The following TMPRSS13 variants were observed in gnomAD, a reference collection of about 807,000 sequenced individuals.
The protein encoded by TMPRSS13 is transmembrane serine protease 13, also known as transmembrane protease serine 13.
TMPRSS13 carries 50 observed loss-of-function variants against 68.4 expected under a neutral mutation model. The ratio of observed to expected loss-of-function variants is 0.73; its 90% confidence interval spans 0.58 to 0.93. TMPRSS13 has a LOEUF of 0.93. TMPRSS13 is among the 40% of genes least tolerant of loss of function. The pLI, the probability that TMPRSS13 is intolerant of heterozygous loss-of-function variation, is 0.00. For synonymous variants in TMPRSS13, 267 were observed against 285.8 expected (o/e 0.93, Z 0.66); for missense variants, 615 against 729.2 (o/e 0.84, Z 1.80).
rs1487719996 is a variant in TMPRSS13, at chr11:117,911,777, C to T, written c.893G>A (p.Ser298Asn). ...GCCTGCCCCACCATACCTGTGGAGG[C>T]TTTCCTGGATGGTGGAGTTGTATCT... ...ILRYNSTIQE[S>N]LHRSECPSQR... Residue 298 changes from serine to asparagine, a missense_variant, in exon 6 of 13, where the codon AGC becomes AAC. Ser to Asn is a conservative substitution (Grantham distance 46, BLOSUM62 1). Transcript: ENST00000524993. 1 of 1,613,840 alleles carries T rather than the reference C, an allele frequency of 6.2e-7. No individual in the cohort carries two copies. Among genetic ancestry groups the T allele is most frequent in the Non-Finnish European group, 8.5e-7 (1 of 1,179,946 alleles).
Position 117,917,200 on chromosome 11 carries a change from T to C in TMPRSS13, c.526A>G (p.Ile176Val). The change falls in exon 3 of 13, where the codon ATT becomes GTT. Residue 176 changes from isoleucine (I) to valine (V), a missense_variant. Ile to Val is a conservative substitution (Grantham distance 29, BLOSUM62 3). Transcript: ENST00000524993. The stretch of plus-strand genomic sequence containing the variant: ...ATGATGAGCGAAACCACCAGGGCAA[T>C]GAGGAGGAGCACGCACCCGATGAGC... Reference protein sequence around the residue: ...LPLIGCVLLLIALVVSLIILF... With the variant: ...LPLIGCVLLLVALVVSLIILF... 1 of 1,612,742 alleles carries C rather than the reference T, an allele frequency of 6.2e-7. No individual in the cohort carries two copies. The highest frequency in any genetic ancestry group is 8.5e-7 in the Non-Finnish European group (1 of 1,179,970).
intron 12 of TMPRSS13, among the ~76,000 whole-genome samples, chr11:117,902,698 A>T (rs1486010769): frequency 6.6e-6 from 1 of 152,208 alleles, no homozygotes; most frequent in African/African-American, 2.4e-5. Context: ...CATCCCTGGG[A>T]GAGGAGAGTG....
At chr11:117,926,518 G>A (rs868783854) in intron 1 of TMPRSS13, among the ~76,000 whole-genome samples, 5 of 152,220 alleles carry the variant, frequency 3.3e-5, no homozygotes, top group Admixed American at 6.5e-5. Flanking sequence ...CTTGAAGAAG[G>A]CCCAGTATAA....
chr11:117,914,257 A>G lies in TMPRSS13; in HGVS notation c.679+135T>C. ...TGCACACACACATACATGCATACAC[A>G]CAAACATGCACATACACACACATGC... is the stretch of plus-strand genomic sequence containing the variant. On this transcript the variant is annotated intron_variant, in intron 4 of 12. Coordinates refer to ENST00000524993, the MANE Select transcript of TMPRSS13 (RefSeq NM_001077263.3). This position sits in a 1 kb window ranked among gnomAD's most constrained non-coding sequence, Gnocchi z 4.2. 8.1e-7 allele frequency: 1 copy of G among 1,234,548 alleles called. No homozygotes were observed. Among genetic ancestry groups the G allele is most frequent in the Non-Finnish European group, 1.2e-6 (1 of 866,940 alleles). The allele number at this position is 1,234,548 out of a possible 1,614,324, so 76.5% of individuals were successfully genotyped here. A position where few individuals can be genotyped will look rare whatever the true frequency, so the allele number is the denominator to read the frequency against.
intron 8 of TMPRSS13, among the ~76,000 whole-genome samples, chr11:117,909,150 G>A (rs1382822922): frequency 6.6e-6 from 1 of 152,190 alleles, no homozygotes; most frequent in African/African-American, 2.4e-5. Context: ...ATGCTGACAA[G>A]TCACAGGGCT....
Position 117,914,275 on chromosome 11 carries a change from A to T in TMPRSS13, c.679+117T>A. On this transcript the variant is annotated intron_variant, in intron 4 of 12. Transcript: ENST00000524993. This position sits in a 1 kb window ranked among gnomAD's most constrained non-coding sequence, Gnocchi z 4.2. ...CATACACACAAACATGCACATACAC[A>T]CACATGCACGCACACATATACACAC... is the stretch of plus-strand genomic sequence containing the variant. 7.3e-7 allele frequency: 1 copy of T among 1,375,694 alleles called. No individual in the cohort carries two copies. Among genetic ancestry groups the T allele is most frequent in the East Asian group, 2.3e-5 (1 of 43,572 alleles). 85.2% of individuals were successfully genotyped at this position (1,375,694 alleles called of 1,614,324 possible).
chr11:117,927,623 C>T (rs758403635), intron 1 of TMPRSS13, among the ~76,000 whole-genome samples: 1 of 152,162 alleles, frequency 6.6e-6, no homozygotes, highest in African/African-American at 2.4e-5. Flanking sequence ...CATCTCTCTG[C>T]AATAAAGCCC....
chr11:117,909,121 C>A (rs1440697680), intron 8 of TMPRSS13, among the ~76,000 whole-genome samples: 1 of 152,102 alleles, frequency 6.6e-6, no homozygotes, highest in African/African-American at 2.4e-5. Context: ...AACTCTGGGG[C>A]CTCGATATGA....
intron 1 of TMPRSS13, among the ~76,000 whole-genome samples, chr11:117,928,460 C>A (rs1401480472): frequency 6.6e-6 from 1 of 152,220 alleles, no homozygotes; most frequent in African/African-American, 2.4e-5. Context: ...AGTGCTAGCC[C>A]ATTCTTCCCA....
chr11:117,905,773 G>A (rs1431781153), intron 9 of TMPRSS13, 37 bp from the exon 10 acceptor site: 2 of 1,520,296 alleles, frequency 1.3e-6, no homozygotes, highest in South Asian at 2.4e-5. Flanking sequence ...GAAGGAACAA[G>A]GCTGAGACTT....
intron 10 of TMPRSS13, among the ~76,000 whole-genome samples, chr11:117,905,188 C>T (rs138450618): frequency 0.014 from 2,090 of 151,808 alleles, 23 homozygotes; most frequent in Non-Finnish European, 0.024. Flanking sequence ...AGCTACGGTG[C>T]CCGGCCTCTA....
At position 117,927,113 on chromosome 11, in the gene TMPRSS13, C is replaced by G. The variant is rs369368936; in HGVS notation, c.21+2174G>C. 2.0e-5 allele frequency among the ~76,000 whole-genome samples: 3 copies of G among 152,210 alleles called. No individual in the cohort carries two copies. The East Asian group carries it at 5.8e-4, about 29-fold the overall frequency. On this transcript the variant is annotated intron_variant, in intron 1 of 12. Transcript: ENST00000524993. ...TTAACAATCACCAATTTTGCACAAT[C>G]AAAGGCAGCCAACTGTTCAAACAGT...
intron 1 of TMPRSS13, among the ~76,000 whole-genome samples, chr11:117,919,344 A>G (rs2057619767): frequency 6.6e-6 from 1 of 152,238 alleles, no homozygotes; most frequent in African/African-American, 2.4e-5. Context: ...CTAGTTAAGC[A>G]CTAGTTAAGA....
chr11:117,908,452 A>G (rs1355178932), intron 9 of TMPRSS13, 160 bp downstream of exon 9: 17 of 763,180 alleles, frequency 2.2e-5, no homozygotes, highest in Non-Finnish European at 3.6e-5. Context: ...CCTAATTATA[A>G]AACAGAAGTG....
At chr11:117,925,731 G>A (rs1241765595) in intron 1 of TMPRSS13, among the ~76,000 whole-genome samples, 1 of 152,238 alleles carries the variant, frequency 6.6e-6, no homozygotes, top group Non-Finnish European at 1.5e-5. Flanking sequence ...ACTTGGCCAG[G>A]CACATCCACC....
chr11:117,906,047 G>A (rs890105740), intron 9 of TMPRSS13, among the ~76,000 whole-genome samples: 2 of 152,236 alleles, frequency 1.3e-5, no homozygotes, highest in Non-Finnish European at 2.9e-5. Context: ...CTGGGCAGCT[G>A]AGGGTCTCTC....
chr11:117,909,621 C>T (rs1250557723), intron 8 of TMPRSS13, among the ~76,000 whole-genome samples, 185 bp downstream of exon 8: 1 of 152,224 alleles, frequency 6.6e-6, no homozygotes, highest in African/African-American at 2.4e-5. Flanking sequence ...TAGCTCGGAA[C>T]AAACACCCCC....
chr11:117,903,271 T>C (rs1000400842), intron 12 of TMPRSS13: 4 of 1,271,318 alleles, frequency 3.1e-6, no homozygotes, highest in African/African-American at 3.0e-5. Flanking sequence ...GGAAAGGCCA[T>C]GAAGAGCGGA....
At chr11:117,917,952 G>A (rs1008910765) in intron 2 of TMPRSS13, among the ~76,000 whole-genome samples, 3 of 152,110 alleles carry the variant, frequency 2.0e-5, no homozygotes, top group Non-Finnish European at 4.4e-5. Context: ...AATTTGGAAG[G>A]CTGGGGATGG....
Sources: gnomAD v4.1 joint callset for allele counts (sites outside exome capture counted in the v4.1 genomes callset) on GRCh38, gnomAD v4.1.1 for gene constraint, Gnocchi (gnomAD v3.1) non-coding constraint, MANE v1.5 for transcripts, NCBI Gene and HGNC (gene_info 2026-07-23, HGNC 2026-07-21) for gene names.